The following SLC38A10 variants were observed in gnomAD, a reference collection of about 807,000 sequenced individuals.
SLC38A10 encodes Sodium-coupled neutral amino acid transporter 10.
SLC38A10 carries 53 observed loss-of-function variants against 81.0 expected under a neutral mutation model. The ratio of observed to expected loss-of-function variants is 0.65; its 90% CI spans 0.53 to 0.82. The LOEUF is 0.82. Ranked by LOEUF, SLC38A10 falls within the 40% of genes least tolerant of loss-of-function variation. The pLI is 0.00. For missense variants in SLC38A10, 1,471 were observed against 1,545.0 expected, an observed-to-expected ratio of 0.95 and a Z score of 0.80; for synonymous variants, 665 against 655.3, an observed-to-expected ratio of 1.01 and a Z score of -0.23.
chr17:81,280,968 C>G (rs553503533), intron 5 of SLC38A10, among the ~76,000 whole-genome samples: 1 of 152,358 alleles, frequency 6.6e-6, no homozygotes, highest in South Asian at 2.1e-4. Context: ...CTGGTTCATC[C>G]CGCGGGCACC....
chr17:81,252,777 C>G, intron 12 of SLC38A10, 94 bp from the exon 13 acceptor site: 2 of 1,491,284 alleles, frequency 1.3e-6, no homozygotes, highest in South Asian at 1.4e-5. Flanking sequence ...GTTCTGGCTC[C>G]CAACAGTGTG....
chr17:81,287,675 C>A (rs2063278955), intron 2 of SLC38A10, among the ~76,000 whole-genome samples: 1 of 152,226 alleles, frequency 6.6e-6, no homozygotes, highest in Non-Finnish European at 1.5e-5. Context: ...GTTGGAAGCT[C>A]AGGCAGGAGT....
At chr17:81,291,512 A>C (rs940793966) in intron 1 of SLC38A10, among the ~76,000 whole-genome samples, 1 of 151,030 alleles carries the variant, frequency 6.6e-6, no homozygotes, top group African/African-American at 2.4e-5. Context: ...AAGTAAGTCT[A>C]TTAATACCAA....
At chr17:81,271,948 C>T (rs1176748480) in intron 9 of SLC38A10, among the ~76,000 whole-genome samples, 1 of 151,472 alleles carries the variant, frequency 6.6e-6, no homozygotes, top group East Asian at 1.9e-4. Flanking sequence ...AGGATGGTTT[C>T]GATCTCCTGA....
At chr17:81,291,880 A>G (rs1277112278) in intron 1 of SLC38A10, among the ~76,000 whole-genome samples, 2 of 152,110 alleles carry the variant, frequency 1.3e-5, no homozygotes, top group African/African-American at 4.8e-5. Context: ...CACCCACCTC[A>G]GTTCAAACCA....
chr17:81,251,102 C>T, intron 14 of SLC38A10: 1 of 1,500,052 alleles, frequency 6.7e-7, no homozygotes, highest in Non-Finnish European at 8.9e-7. Flanking sequence ...CATCTGGGTG[C>T]AGGCACGCCC....
In SLC38A10 at chr17:81,289,840, A is replaced by G; in HGVS notation, c.100-32T>C. ...GGTGGAGACAGGAACACATGTTCAC[A>G]GCAGCAGGTGCTCCCCAGAGGCCCT... On this transcript the variant is annotated intron_variant, in intron 1 of 15. Transcript: ENST00000374759. This position sits in a 1 kb window ranked among gnomAD's most constrained non-coding sequence, Gnocchi z 5.9. 6.5e-7 allele frequency: 1 copy of G among 1,532,132 alleles called. No individual in the cohort carries two copies. Among genetic ancestry groups the G allele is most frequent in the South Asian group, 1.2e-5 (1 of 82,636 alleles). 94.9% of individuals were successfully genotyped at this position (1,532,132 alleles called of 1,614,324 possible). A position where few individuals can be genotyped will look rare whatever the true frequency, so the allele number is the denominator to read the frequency against.
intron 11 of SLC38A10, among the ~76,000 whole-genome samples, chr17:81,254,308 C>G (rs184560865): frequency 1.3e-5 from 2 of 152,184 alleles, no homozygotes; most frequent in Non-Finnish European, 2.9e-5. Context: ...ATATGTTAGT[C>G]TAGGGAAACA....
chr17:81,255,138 G>A (rs369918131), intron 11 of SLC38A10, among the ~76,000 whole-genome samples: 11 of 152,214 alleles, frequency 7.2e-5, no homozygotes, highest in African/African-American at 1.2e-4. Flanking sequence ...AGAACCTCCC[G>A]GGAACGCCAC....
intron 10 of SLC38A10, 126 bp from the exon 11 acceptor site, chr17:81,260,520 G>A (rs1457635791): frequency 1.6e-6 from 2 of 1,284,004 alleles, no homozygotes; most frequent in East Asian, 5.1e-5. Flanking sequence ...ACATGACAAA[G>A]TCCCCCGAGG....
chr17:81,256,236 GC>G (rs2062971429), intron 11 of SLC38A10, among the ~76,000 whole-genome samples: 1 of 152,254 alleles, frequency 6.6e-6, no homozygotes, highest in African/African-American at 2.4e-5. Context: ...CCCCAAGGCT[GC>G]CAAGGCCACA....
At chr17:81,285,996 T>C (rs1311864827) in intron 2 of SLC38A10, among the ~76,000 whole-genome samples, 1 of 151,974 alleles carries the variant, frequency 6.6e-6, no homozygotes, top group Non-Finnish European at 1.5e-5. Flanking sequence ...TGGCACCCCT[T>C]GAGTTCATCC....
At position 81,277,169 on chromosome 17, in the gene SLC38A10, G is replaced by A. The variant is rs771257268; in HGVS notation, c.627-36C>T. 6.3e-7 allele frequency: 1 copy of A among 1,595,790 alleles called. No individual in the cohort carries two copies. Among genetic ancestry groups the A allele is most frequent in the Non-Finnish European group, 8.6e-7 (1 of 1,164,780 alleles). On this transcript the variant is annotated intron_variant, in intron 6 of 15. Transcript: ENST00000374759. The surrounding 1 kb of genome is among the most constrained non-coding windows in gnomAD (Gnocchi z 4.5). ...ACAGGCCATTTCACAGCGGACCTGA[G>A]AGAGGCACGCCCTCCCCAGCGGCTC...
At chr17:81,260,542 G>A (rs575663952) in intron 10 of SLC38A10, 148 bp from the exon 11 acceptor site, 16 of 1,123,816 alleles carry the variant, frequency 1.4e-5, no homozygotes, top group Admixed American at 8.7e-5. Flanking sequence ...CGGGACAGGC[G>A]TGCAGTCGGC....
At position 81,246,501 on chromosome 17, in the gene SLC38A10, G is replaced by C; in HGVS notation, c.2415C>G (p.His805Gln). Residue 805 changes from histidine to glutamine, a missense_variant, in exon 16 of 16, where the codon CAC (histidine) becomes CAG (glutamine). His to Gln is a conservative substitution (Grantham distance 24). Around this residue, in one of 2 missense-constraint regions of SLC38A10, gnomAD observed 751 missense variants for 717.4 expected, o/e 1.05. Coordinates refer to ENST00000374759, the MANE Select transcript of SLC38A10 (RefSeq NM_001037984.3). ...GGTCTCTGCCCACAGGCCCCTCAGA[G>C]TGCTCCAGGGAGCGCTGGTTAAGGT... ...SQDLNQRSLE[H>Q]SEGPVGRDPA... 1 of 1,537,422 alleles carries C rather than the reference G, an allele frequency of 6.5e-7. No homozygotes were observed. The highest frequency in any genetic ancestry group is 8.7e-7 in the Non-Finnish European group (1 of 1,145,182).
rs769757784 is a variant in SLC38A10 at position 81,252,278 on chromosome 17, C to G, written c.1862G>C (p.Gly621Ala). 49 of 1,607,494 alleles carry G rather than the reference C, an allele frequency of 3.0e-5. No individual in the cohort carries two copies. The highest frequency in any genetic ancestry group is 4.0e-5 in the Non-Finnish European group (47 of 1,176,628). ...LSEQQNGLAV[G>A]GGEKAKGGPP... ...TCCCCCCTTGGCCTTTTCCCCTCCA[C>G]CCACCGCCAGGCCGTTCTGCTGCTC... The change falls in exon 13 of 16, where the codon GGT (glycine) becomes GCT (alanine). Residue 621 changes from glycine (G) to alanine (A), a missense_variant. Gly to Ala is a moderately conservative substitution (Grantham distance 60). Coordinates refer to ENST00000374759, the MANE Select transcript of SLC38A10 (RefSeq NM_001037984.3).
intron 14 of SLC38A10, chr17:81,251,290 G>A (rs925942763): frequency 6.2e-7 from 1 of 1,610,658 alleles, no homozygotes; most frequent in African/African-American, 1.3e-5. Flanking sequence ...AGGGGAGTAA[G>A]GCAGATAAAA....
chr17:81,275,003 T>TAGG (rs2063148439), intron 8 of SLC38A10, among the ~76,000 whole-genome samples: 1 of 152,196 alleles, frequency 6.6e-6, no homozygotes, highest in Non-Finnish European at 1.5e-5. Flanking sequence ...AACTCTTGGT[T>TAGG]CAAGTGATCC....
chr17:81,255,581 C>T (rs888617820), intron 11 of SLC38A10, among the ~76,000 whole-genome samples: 5 of 152,218 alleles, frequency 3.3e-5, no homozygotes, highest in African/African-American at 1.2e-4. Context: ...GCCAGCAACA[C>T]ACCCGGCTAA....
Sources: allele counts gnomAD v4.1 joint callset (sites outside exome capture counted in the v4.1 genomes callset), GRCh38; gene constraint gnomAD v4.1.1; regional missense constraint gnomAD v4.1.1; non-coding constraint Gnocchi (gnomAD v3.1); transcripts MANE v1.5; gene names NCBI Gene and HGNC (gene_info 2026-07-23, HGNC 2026-07-21).